Variants in ACVR2A observed in about 807,000 individuals in gnomAD.
ACVR2A encodes the protein activin receptor type-2A.
A neutral mutation model predicts 61.4 loss-of-function variants in ACVR2A; 7 were observed. The observed-to-expected ratio is 0.11, with a 90% CI of 0.06 to 0.21. ACVR2A has a LOEUF of 0.21. ACVR2A is among the 10% of genes least tolerant of loss of function. The pLI is 1.00. For missense variants in ACVR2A, 322 were observed against 621.7 expected (o/e 0.52, Z 5.13); for synonymous variants, 193 against 208.3 (o/e 0.93, Z 0.63).
intron 1 of ACVR2A, among the ~76,000 whole-genome samples, chr2:147,889,261 C>T (rs1448708095): frequency 6.6e-6 from 1 of 151,970 alleles, no homozygotes; most frequent in Non-Finnish European, 1.5e-5. Context: ...AGATACCGGT[C>T]TGTGTTTTTC....
chr2:147,915,457 G>A (rs930440565), intron 5 of ACVR2A, 123 bp downstream of exon 5: 61 of 1,070,226 alleles, frequency 5.7e-5, no homozygotes, highest in Middle Eastern at 3.0e-4. Flanking sequence ...ACTGGGGAAA[G>A]CAGTTAGCTC....
intron 1 of ACVR2A, among the ~76,000 whole-genome samples, chr2:147,851,079 A>G (rs898436799): frequency 6.6e-6 from 1 of 152,120 alleles, no homozygotes; most frequent in African/African-American, 2.4e-5. Context: ...CCAGTTCCCT[A>G]TCACTACTTC....
At chr2:147,923,177 T>G in intron 9 of ACVR2A, 66 bp downstream of exon 9, 261 of 1,380,364 alleles carry the variant, frequency 1.9e-4, no homozygotes, top group Non-Finnish European at 2.3e-4. Flanking sequence ...AAAGGGATGA[T>G]ACACTCCAAG....
At chr2:147,917,131 G>C in intron 5 of ACVR2A, 152 bp from the exon 6 acceptor site, 1 of 681,602 alleles carries the variant, frequency 1.5e-6, no homozygotes, top group East Asian at 3.1e-5. Context: ...TATTGTCAGA[G>C]CTTTTTCTTA....
chr2:147,898,349 G>A (rs1042547523), intron 2 of ACVR2A: 2 of 152,092 alleles, frequency 1.3e-5, no homozygotes, highest in African/African-American at 4.8e-5. Flanking sequence ...TAACTTTATT[G>A]AATTAATTAG....
At chr2:147,915,807 G>A (rs762164275) in intron 5 of ACVR2A, among the ~76,000 whole-genome samples, 6 of 151,880 alleles carry the variant, frequency 4.0e-5, no homozygotes, top group Non-Finnish European at 8.8e-5. Flanking sequence ...CATTTTCAGA[G>A]GCAATCGAGA....
chr2:147,847,645 C>G (rs1685345779), intron 1 of ACVR2A, among the ~76,000 whole-genome samples: 1 of 152,126 alleles, frequency 6.6e-6, no homozygotes, highest in South Asian at 2.1e-4. Flanking sequence ...ATTATGCAGA[C>G]TATTCCTGTA....
At chr2:147,877,252 TG>T in intron 1 of ACVR2A, among the ~76,000 whole-genome samples, 1 of 152,326 alleles carries the variant, frequency 6.6e-6, no homozygotes, top group East Asian at 1.9e-4. Flanking sequence ...AATAGAAGAC[TG>T]GGAACAGTTC....
intron 1 of ACVR2A, among the ~76,000 whole-genome samples, chr2:147,890,280 A>G (rs920319024): frequency 6.6e-6 from 1 of 151,804 alleles, no homozygotes; most frequent in Non-Finnish European, 1.5e-5. Context: ...AGTTTGCAGT[A>G]TGTCAGTTCA....
intron 10 of ACVR2A, among the ~76,000 whole-genome samples, chr2:147,926,654 AT>A (rs1487600392): frequency 2.0e-5 from 3 of 151,950 alleles, no homozygotes; most frequent in Non-Finnish European, 4.4e-5. Flanking sequence ...CAGTCTAAAT[AT>A]AACTAGAAAC....
At chr2:147,905,317 A>G (rs1020937556) in intron 4 of ACVR2A, among the ~76,000 whole-genome samples, 8 of 151,902 alleles carry the variant, frequency 5.3e-5, no homozygotes, top group Admixed American at 3.9e-4. Flanking sequence ...TTGTTTTATT[A>G]TGTGTTTTTA....
intron 1 of ACVR2A, among the ~76,000 whole-genome samples, chr2:147,880,220 T>G (rs1339612025): frequency 6.6e-6 from 1 of 152,036 alleles, no homozygotes. Flanking sequence ...TAAAAAAAAT[T>G]TTTTATAGTA....
chr2:147,885,194 G>A (rs114441188), intron 1 of ACVR2A, among the ~76,000 whole-genome samples: 82 of 152,070 alleles, frequency 5.4e-4, no homozygotes, highest in South Asian at 1.2e-3. Flanking sequence ...CATATGTCCA[G>A]TATTAAGCAA....
chr2:147,888,690 T>C (rs1417360217), intron 1 of ACVR2A, among the ~76,000 whole-genome samples: 2 of 151,940 alleles, frequency 1.3e-5, no homozygotes, highest in African/African-American at 4.8e-5. Context: ...TCTTTTTTTT[T>C]TTTTTTTAAA....
chr2:147,885,485 G>A (rs927302983), intron 1 of ACVR2A, among the ~76,000 whole-genome samples: 1 of 152,046 alleles, frequency 6.6e-6, no homozygotes, highest in African/African-American at 2.4e-5. Context: ...TGTGAAAAAA[G>A]CCTTTACAAT....
intron 1 of ACVR2A, among the ~76,000 whole-genome samples, chr2:147,893,546 C>T (rs1316267632): frequency 3.9e-5 from 6 of 152,016 alleles, no homozygotes; most frequent in African/African-American, 9.7e-5. Context: ...TGATATTGTC[C>T]GTTTGTGTTT....
chr2:147,863,512 A>ATT (rs1300324891), intron 1 of ACVR2A, among the ~76,000 whole-genome samples: 23 of 152,214 alleles, frequency 1.5e-4, no homozygotes, highest in African/African-American at 5.3e-4. Flanking sequence ...TAAACAGTTG[A>ATT]TTAACGCATG....
intron 1 of ACVR2A, among the ~76,000 whole-genome samples, chr2:147,850,275 TA>T (rs1417610509): frequency 6.6e-6 from 1 of 152,156 alleles, no homozygotes; most frequent in Non-Finnish European, 1.5e-5. Context: ...CCAGAGGGCT[TA>T]CCCGTAGTTT....
At chr2:147,885,880 A>G (rs1201977371) in intron 1 of ACVR2A, among the ~76,000 whole-genome samples, 1 of 152,200 alleles carries the variant, frequency 6.6e-6, no homozygotes, top group Non-Finnish European at 1.5e-5. Context: ...GTATATTTCA[A>G]ATTGGTAAAA....
Sources: gnomAD v4.1 joint callset for allele counts (sites outside exome capture counted in the v4.1 genomes callset) on GRCh38, gnomAD v4.1.1 for gene constraint, MANE v1.5 for transcripts, NCBI Gene and HGNC (gene_info 2026-07-23, HGNC 2026-07-21) for gene names.